Variants in FBN2 observed in about 807,000 individuals in gnomAD.
The protein encoded by FBN2 is fibrillin-2.
Under a neutral mutation model 355.6 loss-of-function variants are expected in FBN2, and 105 were observed. That is an observed-to-expected ratio of 0.30 (90% CI 0.25 to 0.35). FBN2 has a LOEUF of 0.35. FBN2 is among the 10% of genes least tolerant of loss of function. The pLI, the probability that FBN2 is intolerant of heterozygous loss-of-function variation, is 1.00. For missense variants in FBN2, 3,280 were observed against 3,758.7 expected (o/e 0.87, Z 3.33); for synonymous variants, 1,350 against 1,301.2 (o/e 1.04, Z -0.81).
In FBN2 at chr5:128,486,518, C is replaced by A. The variant is rs979834847; in HGVS notation, c.629-21597G>T. On this transcript the variant is annotated intron_variant, in intron 5 of 64. Coordinates refer to ENST00000262464, the MANE Select transcript of FBN2 (RefSeq NM_001999.4). ...ACAACACTCTAGTTCCACTGTTGTT[C>A]TTGTATGTCTTCAAAACACACTCAC... Among the ~76,000 whole-genome samples the A allele has an allele frequency of 7.9e-5, 12 of 152,120 alleles. 1 individual carries two copies. Among genetic ancestry groups the A allele is most frequent in the Admixed American group, 7.2e-4 (11 of 15,256 alleles).
chr5:128,537,890 G>A lies in FBN2; in HGVS notation c.-287C>T. 2 of 507,654 alleles carry A rather than the reference G, an allele frequency of 3.9e-6. No individual in the cohort carries two copies. Among genetic ancestry groups the A allele is most frequent in the South Asian group, 2.4e-5 (1 of 41,274 alleles). The allele number at this position is 507,654 out of a possible 1,614,324, so 31.4% of individuals were successfully genotyped here. The stretch of plus-strand genomic sequence containing the variant: ...GTACACGTTGCATAACCGGCCTAAA[G>A]CCCCGAGCGACTCCAGGACCGTCAG... On this transcript the variant is annotated 5_prime_UTR_variant, in exon 1 of 65. Coordinates refer to ENST00000262464, the MANE Select transcript of FBN2 (RefSeq NM_001999.4).
intron 7 of FBN2, among the ~76,000 whole-genome samples, chr5:128,417,420 C>T (rs905861754): frequency 2.0e-5 from 3 of 152,120 alleles, no homozygotes; most frequent in African/African-American, 4.8e-5. Flanking sequence ...TAGGCATCGT[C>T]TTATTCCAGT....
chr5:128,507,331 G>A (rs1049443401), intron 5 of FBN2, among the ~76,000 whole-genome samples: 5 of 151,962 alleles, frequency 3.3e-5, no homozygotes, highest in East Asian at 1.9e-4. Context: ...CAGAGATACC[G>A]AAATCCATAG....
chr5:128,276,035 C>T lies in FBN2; in HGVS notation c.7594+3G>A. 2 of 1,613,698 alleles carry T rather than the reference C, an allele frequency of 1.2e-6. No individual in the cohort carries two copies. The highest frequency in any genetic ancestry group is 2.2e-5 in the East Asian group (1 of 44,854). ...TCACGATTGTCAGAGACTCTTCACT[C>T]ACCTTTGCATGTCTTTCCATCCTCT... On this transcript the variant is annotated splice_donor_region_variant and intron_variant, in intron 59 of 64. Transcript: ENST00000262464.
rs909367300 is a variant in FBN2, at chr5:128,259,798, A to G, written c.8396T>C (p.Met2799Thr). 3.1e-6 allele frequency: 5 copies of G among 1,613,656 alleles called. No individual in the cohort carries two copies. Among genetic ancestry groups the G allele is most frequent in the Non-Finnish European group, 4.2e-6 (5 of 1,179,880 alleles). Residue 2799 changes from methionine to threonine, a missense_variant, in exon 65 of 65, where the codon ATG becomes ACG. Around this residue, in one of 6 missense-constraint regions of FBN2, gnomAD observed 311 missense variants for 319.1 expected, o/e 0.97. Coordinates refer to ENST00000262464, the MANE Select transcript of FBN2 (RefSeq NM_001999.4). ...GAACTTCATGTTGACGGGGCTGTCCATGTCGACACTCTCTAGGCTGATCTG... is the reference window on the plus strand; with the variant it reads ...GAACTTCATGTTGACGGGGCTGTCCGTGTCGACACTCTCTAGGCTGATCTG... ...VEQISLESVD[M>T]DSPVNMKFNL...
At chr5:128,324,753 G>A (rs1032104374) in intron 34 of FBN2, among the ~76,000 whole-genome samples, 3 of 151,828 alleles carry the variant, frequency 2.0e-5, no homozygotes, top group Admixed American at 6.6e-5. Flanking sequence ...GAGTAGCTAC[G>A]ACTACAGGTG....
At chr5:128,430,421 T>C (rs1046633177) in intron 7 of FBN2, among the ~76,000 whole-genome samples, 2 of 152,226 alleles carry the variant, frequency 1.3e-5, no homozygotes, top group African/African-American at 4.8e-5. Context: ...TACATTCATA[T>C]TTCAAACATA....
intron 2 of FBN2, among the ~76,000 whole-genome samples, chr5:128,531,465 T>C (rs751767949): frequency 6.6e-6 from 1 of 152,124 alleles, no homozygotes; most frequent in South Asian, 2.1e-4. Context: ...CAGTGGACAC[T>C]GCTCAGGTGA....
At chr5:128,488,134 G>A (rs145173588) in intron 5 of FBN2, among the ~76,000 whole-genome samples, 1 of 152,172 alleles carries the variant, frequency 6.6e-6, no homozygotes, top group Non-Finnish European at 1.5e-5. Context: ...CATTTTCCAC[G>A]TATCTTTTGT....
intron 55 of FBN2, among the ~76,000 whole-genome samples, chr5:128,285,606 C>T (rs1561747999): frequency 6.6e-6 from 1 of 152,036 alleles, no homozygotes; most frequent in Non-Finnish European, 1.5e-5. Flanking sequence ...CACCCACCCC[C>T]ACCACTCCTA....
chr5:128,518,428 C>T (rs539426304), intron 5 of FBN2, among the ~76,000 whole-genome samples: 5 of 152,250 alleles, frequency 3.3e-5, no homozygotes, highest in Admixed American at 3.3e-4. Flanking sequence ...CACCCCTTTT[C>T]TCTTACCAAA....
At chr5:128,499,403 C>T (rs1755743324) in intron 5 of FBN2, among the ~76,000 whole-genome samples, 1 of 152,112 alleles carries the variant, frequency 6.6e-6, no homozygotes, top group Admixed American at 6.5e-5. Flanking sequence ...CAAACTTCAC[C>T]TTATAGCACA....
chr5:128,312,418 TA>T (rs1234462413), intron 37 of FBN2, among the ~76,000 whole-genome samples: 5 of 152,214 alleles, frequency 3.3e-5, no homozygotes, highest in Non-Finnish European at 7.3e-5. Flanking sequence ...AGTTAAAAAT[TA>T]TTTTTTTAAC....
chr5:128,378,749 A>G, intron 12 of FBN2, 22 bp downstream of exon 12: 6 of 1,612,384 alleles, frequency 3.7e-6, no homozygotes, highest in Non-Finnish European at 5.1e-6. Context: ...ACATTTTCAT[A>G]TGTGAAAGCA....
intron 5 of FBN2, among the ~76,000 whole-genome samples, chr5:128,511,617 G>A (rs997054138): frequency 3.3e-5 from 5 of 152,088 alleles, no homozygotes; most frequent in Admixed American, 6.5e-5. Context: ...GCTCTTAAGA[G>A]GCCTACAGCC....
intron 11 of FBN2, among the ~76,000 whole-genome samples, chr5:128,385,698 C>T (rs1752349570): frequency 6.6e-6 from 1 of 152,058 alleles, no homozygotes; most frequent in South Asian, 2.1e-4. Context: ...TTCTTCACAA[C>T]CTTACCAGCA....
intron 6 of FBN2, among the ~76,000 whole-genome samples, chr5:128,454,087 A>T (rs550272382): frequency 2.2e-4 from 34 of 152,046 alleles, no homozygotes; most frequent in African/African-American, 8.0e-4. Flanking sequence ...CTCCAATAGA[A>T]CATCCACAAT....
chr5:128,383,808 G>C (rs1161818652), intron 11 of FBN2, among the ~76,000 whole-genome samples: 2 of 152,008 alleles, frequency 1.3e-5, no homozygotes, highest in African/African-American at 4.8e-5. Flanking sequence ...CTGACTATAC[G>C]AAGTGCTGGC....
At chr5:128,393,663 T>C (rs747006774) in intron 9 of FBN2, among the ~76,000 whole-genome samples, 6 of 152,288 alleles carry the variant, frequency 3.9e-5, no homozygotes, top group Non-Finnish European at 7.3e-5. Context: ...ATTCCAGACA[T>C]AATTATAAAT....
Sources: allele counts gnomAD v4.1 joint callset (sites outside exome capture counted in the v4.1 genomes callset), GRCh38; gene constraint gnomAD v4.1.1; regional missense constraint gnomAD v4.1.1; transcripts MANE v1.5; gene names NCBI Gene and HGNC (gene_info 2026-07-23, HGNC 2026-07-21).